SLC9A9: variants seen among roughly 807,000 people sequenced by gnomAD.
SLC9A9 encodes the protein solute carrier family 9 member A9, also known as sodium/hydrogen exchanger 9.
A neutral mutation model predicts 77.8 loss-of-function variants in SLC9A9; 62 were observed. The ratio of observed to expected loss-of-function variants is 0.80; its 90% CI spans 0.65 to 0.98. SLC9A9 has a LOEUF of 0.98. Ranked by LOEUF, SLC9A9 falls within the 50% of genes least tolerant of loss-of-function variation. The pLI is 0.00. For missense variants in SLC9A9, 775 were observed against 774.9 expected, an observed-to-expected ratio of 1.00 and a Z score of 0.00; for synonymous variants, 320 against 283.5, an observed-to-expected ratio of 1.13 and a Z score of -1.29.
At chr3:143,655,254 G>C (rs936974370) in intron 5 of SLC9A9, among the ~76,000 whole-genome samples, 8 of 152,210 alleles carry the variant, frequency 5.3e-5, no homozygotes, top group African/African-American at 1.9e-4. Context: ...CCGCAGGAGA[G>C]AATCTTTGGG....
At chr3:143,782,060 A>G (rs1434202822) in intron 4 of SLC9A9, among the ~76,000 whole-genome samples, 1 of 152,238 alleles carries the variant, frequency 6.6e-6, no homozygotes, top group African/African-American at 2.4e-5. Context: ...AGTGCTTAAC[A>G]GTATTCTACC....
chr3:143,366,950 C>T (rs185829480), intron 13 of SLC9A9, among the ~76,000 whole-genome samples: 125 of 152,296 alleles, frequency 8.2e-4, no homozygotes, highest in African/African-American at 2.8e-3. Context: ...ATTTAGAGCT[C>T]CCCTTAGCTG....
chr3:143,507,972 A>G (rs2036050596), intron 9 of SLC9A9, among the ~76,000 whole-genome samples: 3 of 152,156 alleles, frequency 2.0e-5, no homozygotes, highest in Admixed American at 6.5e-5. Flanking sequence ...TCATGACCTA[A>G]TTATCTCCCA....
chr3:143,399,477 A>T (rs2033802191), intron 12 of SLC9A9, among the ~76,000 whole-genome samples: 1 of 152,196 alleles, frequency 6.6e-6, no homozygotes, highest in Non-Finnish European at 1.5e-5. Context: ...TCAGTGGTTT[A>T]AAATCAGGAA....
At chr3:143,680,873 T>C (rs771974570) in intron 5 of SLC9A9, among the ~76,000 whole-genome samples, 2 of 152,132 alleles carry the variant, frequency 1.3e-5, no homozygotes, top group Non-Finnish European at 2.9e-5. Flanking sequence ...ATCAATAAGT[T>C]CCCATGCCCT....
At chr3:143,448,886 TATATA>T (rs1559920237) in intron 12 of SLC9A9, among the ~76,000 whole-genome samples, 2,717 of 34,226 alleles carry the variant, frequency 0.079, 1,290 homozygotes, top group East Asian at 0.28. Flanking sequence ...TGATATATAT[TATATA>T]TTATAATATA....
intron 4 of SLC9A9, among the ~76,000 whole-genome samples, chr3:143,704,114 AC>A (rs1465174938): frequency 2.0e-5 from 3 of 152,176 alleles, no homozygotes; most frequent in Non-Finnish European, 4.4e-5. Context: ...AGCCCGGGGA[AC>A]CCAGTGGCTT....
chr3:143,373,378 C>T (rs1466213980), intron 13 of SLC9A9, among the ~76,000 whole-genome samples: 1 of 151,962 alleles, frequency 6.6e-6, no homozygotes, highest in African/African-American at 2.4e-5. Context: ...TTTGTTCTTA[C>T]CTATAAATGT....
At chr3:143,836,051 C>G (rs1415705690) in intron 1 of SLC9A9, among the ~76,000 whole-genome samples, 1 of 152,216 alleles carries the variant, frequency 6.6e-6, no homozygotes, top group Non-Finnish European at 1.5e-5. Context: ...CCTGACTTCT[C>G]TCCACAGCCT....
intron 1 of SLC9A9, among the ~76,000 whole-genome samples, chr3:143,840,940 A>T (rs554790348): frequency 5.6e-4 from 86 of 152,254 alleles, no homozygotes; most frequent in African/African-American, 2.0e-3. Context: ...AGGATTAGTG[A>T]TAATGCATAT....
At chr3:143,386,662 T>C (rs1012117626) in intron 12 of SLC9A9, among the ~76,000 whole-genome samples, 1 of 152,210 alleles carries the variant, frequency 6.6e-6, no homozygotes, top group Non-Finnish European at 1.5e-5. Context: ...TACTGATTAC[T>C]TTCAGAGATA....
intron 12 of SLC9A9, among the ~76,000 whole-genome samples, chr3:143,418,957 C>T (rs371475471): frequency 1.2e-4 from 18 of 152,076 alleles, no homozygotes; most frequent in Non-Finnish European, 2.2e-4. Flanking sequence ...TAATGCATTA[C>T]GTTAATAATG....
At chr3:143,278,159 GAACCATTATGTCTGCACCAGC>G (rs1192197967) in intron 14 of SLC9A9, among the ~76,000 whole-genome samples, 2 of 152,178 alleles carry the variant, frequency 1.3e-5, no homozygotes, top group Admixed American at 6.5e-5. Flanking sequence ...GAAAAGATAG[GAACCATTATGTCTGCACCAGC>G]AACTGCAGTG....
chr3:143,529,248 G>A (rs1290869180), intron 9 of SLC9A9, among the ~76,000 whole-genome samples: 1 of 152,176 alleles, frequency 6.6e-6, no homozygotes, highest in Admixed American at 6.6e-5. Flanking sequence ...AGATAGCTAA[G>A]AAAACACAAA....
At chr3:143,464,614 G>A (rs555090875) in intron 12 of SLC9A9, among the ~76,000 whole-genome samples, 1 of 152,234 alleles carries the variant, frequency 6.6e-6, no homozygotes, top group South Asian at 2.1e-4. Context: ...ATCAATATTA[G>A]CTCCATCTCC....
intron 6 of SLC9A9, among the ~76,000 whole-genome samples, chr3:143,592,290 G>C (rs563636595): frequency 2.6e-5 from 4 of 152,246 alleles, no homozygotes; most frequent in Non-Finnish European, 4.4e-5. Flanking sequence ...ACTTTGCAGG[G>C]TGGAAGTGGG....
rs2033031905 is a variant in SLC9A9, at chr3:143,370,563, GCGCGCA to G, written c.1525-7006_1525-7001del. On this transcript the variant is annotated intron_variant, in intron 13 of 15. Coordinates refer to ENST00000316549, the MANE Select transcript of SLC9A9 (RefSeq NM_173653.4). Reference sequence around the variant, plus strand: ...TACATGTACACAAGTATATGCATGTGCGCGCACACACACACACACACACACACACAC... The same window carrying G: ...TACATGTACACAAGTATATGCATGTGCACACACACACACACACACACACAC... Among the ~76,000 whole-genome samples, 4 of 49,986 alleles carry G rather than the reference GCGCGCA, an allele frequency of 8.0e-5. No homozygotes were observed. The East Asian group carries it at 1.5e-3, about 19-fold the overall frequency. 32.8% of individuals were successfully genotyped at this position (49,986 alleles called of 152,430 possible).
At chr3:143,405,913 A>T (rs991060639) in intron 12 of SLC9A9, among the ~76,000 whole-genome samples, 2 of 152,232 alleles carry the variant, frequency 1.3e-5, no homozygotes, top group African/African-American at 4.8e-5. Flanking sequence ...ATACCTTTAG[A>T]TCAATTTCTA....
chr3:143,291,236 C>T (rs1328131866), intron 14 of SLC9A9, among the ~76,000 whole-genome samples: 1 of 152,160 alleles, frequency 6.6e-6, no homozygotes, highest in East Asian at 1.9e-4. Flanking sequence ...CCTGTTCTGT[C>T]CCCACCTTCC....
Sources: gnomAD v4.1 joint callset for allele counts (sites outside exome capture counted in the v4.1 genomes callset) on GRCh38, gnomAD v4.1.1 for gene constraint, MANE v1.5 for transcripts, NCBI Gene and HGNC (gene_info 2026-07-23, HGNC 2026-07-21) for gene names.